Variants in CCDC66 observed in about 807,000 individuals in gnomAD.
CCDC66 encodes coiled-coil domain-containing protein 66.
In CCDC66, 133 loss-of-function variants were observed where a neutral mutation model predicts 128.3. The ratio of observed to expected loss-of-function variants is 1.04; its 90% CI spans 0.90 to 1.20. CCDC66 has a LOEUF of 1.20. CCDC66 is among the 50% of genes most tolerant of loss of function. CCDC66 has a pLI of 0.00. For missense variants in CCDC66, 1,126 were observed against 1,075.5 expected, an observed-to-expected ratio of 1.05 and a Z score of -0.66; for synonymous variants, 387 against 357.0, an observed-to-expected ratio of 1.08 and a Z score of -0.95.
chr3:56,600,698 T>C (rs1446284704), intron 10 of CCDC66, among the ~76,000 whole-genome samples: 1 of 152,074 alleles, frequency 6.6e-6, no homozygotes, highest in Non-Finnish European at 1.5e-5. Flanking sequence ...TGGTATCTCA[T>C]TGTGGTTTTG....
In CCDC66 at chr3:56,619,393, C is replaced by G; in HGVS notation, c.2501C>G (p.Thr834Arg). 6.2e-7 allele frequency: 1 copy of G among 1,613,944 alleles called. No individual in the cohort carries two copies. Among genetic ancestry groups the G allele is most frequent in the Non-Finnish European group, 8.5e-7 (1 of 1,179,954 alleles). Residue 834 changes from threonine to arginine, a missense_variant, in exon 16 of 18, where the codon ACA becomes AGA. Thr to Arg is a moderately conservative substitution (Grantham distance 71). Transcript: ENST00000394672. ...AATTTGATCTCAGGAAGTAATCAAACAGAATTATCATCTGGGATTTCTGAA... is the reference window on the plus strand; with the variant it reads ...AATTTGATCTCAGGAAGTAATCAAAGAGAATTATCATCTGGGATTTCTGAA... ...RENLISGSNQ[T>R]ELSSGISESS...
In CCDC66 at chr3:56,619,908, G is replaced by C; in HGVS notation, c.2760+7G>C. ...ACTTTCAGAACTGAGACAGGTATGA[G>C]CTTTTTCAAGTGTAGATATGTCTGT... is the stretch of plus-strand genomic sequence containing the variant. On this transcript the variant is annotated splice_region_variant and intron_variant, in intron 17 of 17. Coordinates refer to ENST00000394672, the MANE Select transcript of CCDC66 (RefSeq NM_001141947.3). 2 of 1,613,340 alleles carry C rather than the reference G, an allele frequency of 1.2e-6. No homozygotes were observed. Among genetic ancestry groups the C allele is most frequent in the East Asian group, 4.5e-5 (2 of 44,862 alleles).
At chr3:56,573,505 A>T (rs2066913818) in intron 7 of CCDC66, among the ~76,000 whole-genome samples, 1 of 152,250 alleles carries the variant, frequency 6.6e-6, no homozygotes, top group South Asian at 2.1e-4. Flanking sequence ...ATGAATATTT[A>T]TGAAAGGAGA....
chr3:56,571,203 GAA>G lies in CCDC66; in HGVS notation c.839_840del (p.Lys280ArgfsTer6). 2.0e-6 allele frequency: 3 copies of G among 1,524,208 alleles called. No individual in the cohort carries two copies. The highest frequency in any genetic ancestry group is 2.7e-6 in the Non-Finnish European group (3 of 1,118,786). 94.4% of individuals were successfully genotyped at this position (1,524,208 alleles called of 1,614,324 possible). On this transcript the variant is annotated frameshift_variant, in exon 7 of 18. Transcript: ENST00000394672. LOFTEE classifies it high-confidence loss of function. ...ELDEQVALKK[K>X]EKEVSEKWND... ...CAGATGAACAGGTTGCTTTAAAGAAGAAAGAAAAAGAAGTTTCTGAAAAATGG... is the reference window on the plus strand; with the variant it reads ...CAGATGAACAGGTTGCTTTAAAGAAGAGAAAAAGAAGTTTCTGAAAAATGG...
intron 7 of CCDC66, among the ~76,000 whole-genome samples, chr3:56,576,820 T>C (rs917443699): frequency 1.3e-5 from 2 of 151,722 alleles, no homozygotes. Flanking sequence ...CAGTCTATCA[T>C]TGATGGACAT....
intron 3 of CCDC66, among the ~76,000 whole-genome samples, chr3:56,562,030 A>G (rs1308797154): frequency 1.3e-5 from 2 of 149,360 alleles, no homozygotes; most frequent in African/African-American, 4.9e-5. Flanking sequence ...AAATCTGTGC[A>G]TTTTTCTTTT....
chr3:56,611,539 G>A (rs184882675), intron 10 of CCDC66, among the ~76,000 whole-genome samples: 43 of 151,604 alleles, frequency 2.8e-4, no homozygotes, highest in Admixed American at 1.5e-3. Context: ...CACCTGTGGA[G>A]TCTGCAAGCC....
intron 1 of CCDC66, chr3:56,557,977 C>G (rs17235662): frequency 0.051 from 7,684 of 150,272 alleles, 277 homozygotes; most frequent in South Asian, 0.16. Flanking sequence ...CATTGAAGCT[C>G]TTTTCTTTCT....
intron 10 of CCDC66, among the ~76,000 whole-genome samples, chr3:56,605,415 C>A (rs2073923472): frequency 6.6e-6 from 1 of 151,988 alleles, no homozygotes; most frequent in South Asian, 2.1e-4. Flanking sequence ...GATTTATCTA[C>A]CTTTGGTCTT....
intron 4 of CCDC66, among the ~76,000 whole-genome samples, chr3:56,565,908 C>T (rs577067590): frequency 2.0e-4 from 30 of 152,262 alleles, no homozygotes; most frequent in African/African-American, 5.3e-4. Context: ...CCTCGTGATC[C>T]GCCCACCTTG....
chr3:56,577,440 G>A (rs933902159), intron 7 of CCDC66, among the ~76,000 whole-genome samples: 79 of 151,900 alleles, frequency 5.2e-4, no homozygotes, highest in Middle Eastern at 3.4e-3. Flanking sequence ...GATCCCATTT[G>A]TCAATTTTAG....
intron 7 of CCDC66, among the ~76,000 whole-genome samples, chr3:56,582,866 TA>T (rs2068672967): frequency 6.8e-6 from 1 of 146,124 alleles, no homozygotes; most frequent in Non-Finnish European, 1.5e-5. Flanking sequence ...TTATTATTAT[TA>T]TTATTATTAT....
intron 16 of CCDC66, 30 bp from the exon 17 acceptor site, chr3:56,619,747 G>T (rs542569925): frequency 1.4e-5 from 22 of 1,610,878 alleles, no homozygotes; most frequent in Non-Finnish European, 1.8e-5. Flanking sequence ...TAATGTAATT[G>T]ACTGACTTGT....
intron 11 of CCDC66, 102 bp from the exon 12 acceptor site, chr3:56,615,026 T>C: frequency 8.4e-7 from 1 of 1,190,376 alleles, no homozygotes; most frequent in Non-Finnish European, 1.2e-6. Context: ...TCTAAACAAG[T>C]GCCTGATACA....
chr3:56,590,101 CG>C (rs982737133), intron 7 of CCDC66, among the ~76,000 whole-genome samples: 1 of 152,138 alleles, frequency 6.6e-6, no homozygotes, highest in African/African-American at 2.4e-5. Flanking sequence ...ACCTTTTCTG[CG>C]TGGCCAGTAG....
At chr3:56,578,333 A>G (rs544049728) in intron 7 of CCDC66, among the ~76,000 whole-genome samples, 1 of 151,930 alleles carries the variant, frequency 6.6e-6, no homozygotes, top group Non-Finnish European at 1.5e-5. Flanking sequence ...TTTTCTAAAT[A>G]TACAATCATG....
chr3:56,572,308 T>G (rs928537122), intron 7 of CCDC66: 2 of 1,242,182 alleles, frequency 1.6e-6, no homozygotes, highest in East Asian at 1.1e-4. Flanking sequence ...GTGTCACTGT[T>G]TTTCTATTTA....
chr3:56,619,629 TAA>T (rs2076078636), intron 16 of CCDC66, 102 bp downstream of exon 16: 2 of 1,492,836 alleles, frequency 1.3e-6, no homozygotes, highest in South Asian at 2.7e-5. Context: ...CTTAGTTCTA[TAA>T]AGTTTCTTGA....
Position 56,563,953 on chromosome 3 carries a change from C to G in CCDC66, c.372C>G (p.Thr124=). 6.2e-7 allele frequency: 1 copy of G among 1,613,868 alleles called. No homozygotes were observed. Among genetic ancestry groups the G allele is most frequent in the Non-Finnish European group, 8.5e-7 (1 of 1,179,896 alleles). ...CTAATATGCAGAAGACTAGAAACAC[C>G]GTAAATACATCTCTAGTAGGTAAAC... ...ATPNMQKTRN[T]VNTSLVGKQK... Residue 124 remains threonine, a synonymous_variant, in exon 4 of 18, where the codon ACC becomes ACG. Coordinates refer to ENST00000394672, the MANE Select transcript of CCDC66 (RefSeq NM_001141947.3).
Sources: gnomAD v4.1 joint callset for allele counts (sites outside exome capture counted in the v4.1 genomes callset) on GRCh38, gnomAD v4.1.1 for gene constraint, MANE v1.5 for transcripts, NCBI Gene and HGNC (gene_info 2026-07-23, HGNC 2026-07-21) for gene names.